UBE2E3: variants seen among roughly 807,000 people sequenced by gnomAD.
UBE2E3 encodes the protein ubiquitin conjugating enzyme E2 E3.
Under a neutral mutation model 23.6 loss-of-function variants are expected in UBE2E3, and 5 were observed. That is an observed-to-expected ratio of 0.21 (90% CI 0.11 to 0.44). UBE2E3 has a LOEUF of 0.44. Among genes scored for constraint, UBE2E3 ranks in the 20% least tolerant of loss-of-function variants. The pLI is 0.99. For synonymous variants in UBE2E3, 78 were observed against 87.5 expected (o/e 0.89, Z 0.60); for missense variants, 81 against 249.8 (o/e 0.32, Z 4.55).
At chr2:180,990,729 G>A (rs1302217382) in intron 3 of UBE2E3, among the ~76,000 whole-genome samples, 3 of 152,066 alleles carry the variant, frequency 2.0e-5, no homozygotes, top group Admixed American at 2.0e-4. Flanking sequence ...TGTTCTACTA[G>A]GAGTACTAAA....
chr2:181,052,253 T>G (rs1396880246), intron 3 of UBE2E3, among the ~76,000 whole-genome samples: 1 of 151,882 alleles, frequency 6.6e-6, no homozygotes, highest in Non-Finnish European at 1.5e-5. Flanking sequence ...AAGAATTAAT[T>G]AAAATACTTT....
chr2:181,022,033 TG>T, intron 3 of UBE2E3, among the ~76,000 whole-genome samples: 1 of 152,306 alleles, frequency 6.6e-6, no homozygotes. Flanking sequence ...AAAATAATAA[TG>T]TACGTTAACA....
At chr2:180,996,708 T>C (rs1684830542) in intron 3 of UBE2E3, among the ~76,000 whole-genome samples, 1 of 152,144 alleles carries the variant, frequency 6.6e-6, no homozygotes, top group South Asian at 2.1e-4. Flanking sequence ...AGATTCCACA[T>C]TGTAGTGATA....
At chr2:180,991,308 T>C (rs1254610468) in intron 3 of UBE2E3, among the ~76,000 whole-genome samples, 2 of 152,184 alleles carry the variant, frequency 1.3e-5, no homozygotes, top group Non-Finnish European at 2.9e-5. Flanking sequence ...ACTGTGTTTT[T>C]TCCTATACAT....
chr2:181,029,052 A>G (rs1255191366), intron 3 of UBE2E3, among the ~76,000 whole-genome samples: 3 of 152,176 alleles, frequency 2.0e-5, no homozygotes, highest in East Asian at 3.9e-4. Context: ...ATTTTTCTCC[A>G]TATGGATAAC....
intron 3 of UBE2E3, among the ~76,000 whole-genome samples, chr2:181,005,874 A>C (rs1170273989): frequency 6.6e-6 from 1 of 152,204 alleles, no homozygotes; most frequent in African/African-American, 2.4e-5. Flanking sequence ...GGCTTTACCA[A>C]ACACAGGTTT....
At chr2:181,054,486 A>G (rs143424135) in intron 3 of UBE2E3, among the ~76,000 whole-genome samples, 16 of 151,904 alleles carry the variant, frequency 1.1e-4, no homozygotes, top group Middle Eastern at 3.4e-3. Context: ...CCCTAATGAC[A>G]TGAGTTTGAA....
intron 3 of UBE2E3, among the ~76,000 whole-genome samples, chr2:181,054,638 C>T (rs970693305): frequency 6.6e-6 from 1 of 151,788 alleles, no homozygotes; most frequent in Admixed American, 6.6e-5. Flanking sequence ...AGTTCTTTAT[C>T]AGGTACATCT....
intron 3 of UBE2E3, among the ~76,000 whole-genome samples, chr2:181,012,562 C>T (rs1044025189): frequency 1.9e-4 from 29 of 152,128 alleles, no homozygotes; most frequent in Admixed American, 1.9e-3. Context: ...CACATAAGCA[C>T]ACAAGAGGTT....
At chr2:181,031,606 T>C (rs2105647496) in intron 3 of UBE2E3, among the ~76,000 whole-genome samples, 1 of 152,328 alleles carries the variant, frequency 6.6e-6, no homozygotes, top group Non-Finnish European at 1.5e-5. Context: ...ACGACTACTT[T>C]CTGTTTTTCT....
At chr2:181,003,612 G>T (rs1206091131) in intron 3 of UBE2E3, among the ~76,000 whole-genome samples, 3 of 152,134 alleles carry the variant, frequency 2.0e-5, no homozygotes, top group Non-Finnish European at 2.9e-5. Context: ...TGCTGGTTTT[G>T]AACACTGAAT....
chr2:181,059,046 T>C (rs908736), intron 4 of UBE2E3, among the ~76,000 whole-genome samples: 33,888 of 151,648 alleles, frequency 0.22, 4,268 homozygotes, highest in Non-Finnish European at 0.28. Context: ...GTACTGTATA[T>C]GATTTGCCGT....
At chr2:181,034,164 A>G (rs1327592258) in intron 3 of UBE2E3, among the ~76,000 whole-genome samples, 2 of 152,202 alleles carry the variant, frequency 1.3e-5, no homozygotes, top group African/African-American at 4.8e-5. Context: ...TGACCCACCA[A>G]TCCCATTACT....
rs78753058 is a variant in UBE2E3, at chr2:180,998,559, A to G, written c.245+14466A>G. On this transcript the variant is annotated intron_variant, in intron 3 of 5. Coordinates refer to ENST00000410062, the MANE Select transcript of UBE2E3 (RefSeq NM_006357.4). ...TCCTACTTGATTTTAGTTGCTAGTC[A>G]TTTCTTAATCTAAGCACCCCCTATA... Among the ~76,000 whole-genome samples the G allele has an allele frequency of 8.5e-3, 1,292 of 152,216 alleles. 21 individuals carry two copies. Among genetic ancestry groups the G allele is most frequent in the African/African-American group, 0.03 (1,227 of 41,544 alleles).
chr2:181,038,731 C>T (rs901768247), intron 3 of UBE2E3, among the ~76,000 whole-genome samples: 1 of 151,254 alleles, frequency 6.6e-6, no homozygotes, highest in African/African-American at 2.5e-5. Context: ...TCTTAACATA[C>T]AAGTCTTATA....
At chr2:180,980,597 C>G (rs947071806), upstream of UBE2E3, 1 of 148,838 alleles carries the variant, frequency 6.7e-6, no homozygotes, top group Non-Finnish European at 1.5e-5. The surrounding 1 kb of genome is among the most constrained non-coding windows in gnomAD (Gnocchi z 5.5). Context: ...CCCCCCCGCG[C>G]TCGCCTCGGA....
intron 1 of UBE2E3, chr2:180,981,391 G>C (rs1293885934): frequency 6.6e-6 from 1 of 152,264 alleles, no homozygotes; most frequent in Non-Finnish European, 1.5e-5. Flanking sequence ...AGAAGGTGCA[G>C]TTTGAATTCT....
chr2:180,999,057 T>C (rs1684917059), intron 3 of UBE2E3, among the ~76,000 whole-genome samples: 1 of 152,172 alleles, frequency 6.6e-6, no homozygotes, highest in African/African-American at 2.4e-5. Flanking sequence ...CAAACTTGTT[T>C]TGAGGCAAAT....
At chr2:180,991,549 A>G (rs1236372991) in intron 3 of UBE2E3, among the ~76,000 whole-genome samples, 1 of 152,198 alleles carries the variant, frequency 6.6e-6, no homozygotes, top group Non-Finnish European at 1.5e-5. Flanking sequence ...AGCTTGTTCT[A>G]CCTGCGGCCC....
Sources: gnomAD v4.1 joint callset for allele counts (sites outside exome capture counted in the v4.1 genomes callset) on GRCh38, gnomAD v4.1.1 for gene constraint, Gnocchi (gnomAD v3.1) non-coding constraint, MANE v1.5 for transcripts, NCBI Gene and HGNC (gene_info 2026-07-23, HGNC 2026-07-21) for gene names.